The following TBC1D1 variants were observed in gnomAD, a reference collection of about 807,000 sequenced individuals.
TBC1D1 encodes the protein TBC1 domain family member 1, also known as TBC1 (tre-2/USP6, BUB2, cdc16) domain family, member 1.
In TBC1D1, 89 loss-of-function variants were observed where a neutral mutation model predicts 125.6. The ratio of observed to expected loss-of-function variants is 0.71; its 90% CI spans 0.60 to 0.85. The LOEUF (loss-of-function observed/expected upper bound fraction) is 0.85. Ranked by LOEUF, TBC1D1 falls within the 40% of genes least tolerant of loss-of-function variation. The pLI is 0.00. For synonymous variants in TBC1D1, 565 were observed against 564.1 expected, an observed-to-expected ratio of 1.00 and a Z score of -0.02; for missense variants, 1,377 against 1,469.2, an observed-to-expected ratio of 0.94 and a Z score of 1.03.
At chr4:38,005,870 C>T (rs1740049039) in intron 2 of TBC1D1, among the ~76,000 whole-genome samples, 1 of 152,188 alleles carries the variant, frequency 6.6e-6, no homozygotes, top group African/African-American at 2.4e-5. Flanking sequence ...ATGGAGAAGA[C>T]ATGATGCCAT....
At chr4:38,084,509 A>C (rs750937038) in intron 12 of TBC1D1, among the ~76,000 whole-genome samples, 2 of 152,228 alleles carry the variant, frequency 1.3e-5, no homozygotes, top group Non-Finnish European at 2.9e-5. Flanking sequence ...AGCTGCTCAT[A>C]CTTTGTAAAC....
intron 2 of TBC1D1, among the ~76,000 whole-genome samples, chr4:37,932,317 C>T (rs1723430907): frequency 2.0e-5 from 3 of 152,128 alleles, no homozygotes; most frequent in Admixed American, 2.0e-4. Flanking sequence ...CTAATTTATG[C>T]AGAAAACTAA....
At chr4:37,974,475 G>A (rs1387207155) in intron 2 of TBC1D1, among the ~76,000 whole-genome samples, 1 of 152,182 alleles carries the variant, frequency 6.6e-6, no homozygotes, top group Admixed American at 6.5e-5. Flanking sequence ...CTGAGCTCAA[G>A]TGATCCTCCC....
intron 9 of TBC1D1, 126 bp from the exon 10 acceptor site, chr4:38,045,691 C>A: frequency 1.5e-6 from 1 of 662,454 alleles, no homozygotes; most frequent in Non-Finnish European, 2.7e-6. Flanking sequence ...TACAAATATC[C>A]TTAGTAGCAT....
At chr4:37,904,848 G>A (rs1577772207) in intron 2 of TBC1D1, among the ~76,000 whole-genome samples, 1 of 152,236 alleles carries the variant, frequency 6.6e-6, no homozygotes, top group African/African-American at 2.4e-5. Flanking sequence ...GATGCTAACA[G>A]CGTGATAGAT....
chr4:38,056,812 G>A (rs59608961), intron 12 of TBC1D1, among the ~76,000 whole-genome samples: 19,896 of 151,858 alleles, frequency 0.13, 1,719 homozygotes, highest in East Asian at 0.35. Context: ...TGTCTCGCGG[G>A]GTGGGGGAGT....
intron 8 of TBC1D1, among the ~76,000 whole-genome samples, chr4:38,036,863 T>C (rs1351145476): frequency 6.6e-6 from 1 of 152,220 alleles, no homozygotes; most frequent in Non-Finnish European, 1.5e-5. Context: ...CTTCCCAACC[T>C]GTACCCTTAA....
In TBC1D1 at chr4:38,056,322, G is replaced by A. The variant is rs893453888; in HGVS notation, c.2050+1984G>A. On this transcript the variant is annotated intron_variant, in intron 12 of 19. Coordinates refer to ENST00000261439, the MANE Select transcript of TBC1D1 (RefSeq NM_015173.4). Reference sequence around the variant, plus strand: ...CCTCCGAAGAGCCTCTGCCCCTCCTGGAGTCCTGAGTTGAACTTGGTGTTC... The same window carrying A: ...CCTCCGAAGAGCCTCTGCCCCTCCTAGAGTCCTGAGTTGAACTTGGTGTTC... Among the ~76,000 whole-genome samples, 7 of 152,266 alleles carry A rather than the reference G, an allele frequency of 4.6e-5. No individual in the cohort carries two copies. The East Asian group carries it at 1.4e-3, about 29-fold the overall frequency.
At chr4:38,102,483 G>A (rs886929231) in intron 14 of TBC1D1, among the ~76,000 whole-genome samples, 16 of 152,104 alleles carry the variant, frequency 1.1e-4, no homozygotes, top group Admixed American at 3.9e-4. Flanking sequence ...AAGGGAGGAA[G>A]GGGCCAGGGA....
At chr4:38,009,042 G>A (rs1178842636) in intron 2 of TBC1D1, among the ~76,000 whole-genome samples, 3 of 152,256 alleles carry the variant, frequency 2.0e-5, no homozygotes, top group Non-Finnish European at 4.4e-5. Context: ...TAAGTAATAG[G>A]CACTCATATT....
intron 18 of TBC1D1, among the ~76,000 whole-genome samples, chr4:38,126,710 G>A (rs1764705547): frequency 6.6e-6 from 1 of 152,038 alleles, no homozygotes; most frequent in Non-Finnish European, 1.5e-5. Flanking sequence ...AGGTTGGGTG[G>A]GCATCGAAAT....
At chr4:38,127,494 G>A (rs535145003) in intron 18 of TBC1D1, among the ~76,000 whole-genome samples, 19 of 149,762 alleles carry the variant, frequency 1.3e-4, no homozygotes, top group Admixed American at 6.8e-4. Flanking sequence ...AAGCATTCTC[G>A]TGCCTCAGCT....
chr4:37,983,981 C>T (rs1410070666), intron 2 of TBC1D1, among the ~76,000 whole-genome samples: 1 of 152,134 alleles, frequency 6.6e-6, no homozygotes, highest in Admixed American at 6.5e-5. Context: ...ATAGTTCTGC[C>T]TATAGAGAAT....
chr4:38,052,212 TTTG>T (rs1429711104), intron 11 of TBC1D1, among the ~76,000 whole-genome samples, 152 bp downstream of exon 12: 1 of 139,820 alleles, frequency 7.2e-6, no homozygotes, highest in African/African-American at 2.7e-5. Flanking sequence ...CGTGTGTGTC[TTTG>T]TTTATATTTT....
At chr4:38,010,510 T>A (rs1229763495) in intron 2 of TBC1D1, among the ~76,000 whole-genome samples, 2 of 152,228 alleles carry the variant, frequency 1.3e-5, no homozygotes, top group African/African-American at 4.8e-5. Flanking sequence ...CCCAGCTAGA[T>A]GCCTTTACTT....
intron 2 of TBC1D1, among the ~76,000 whole-genome samples, chr4:38,010,955 C>T (rs1391181389): frequency 6.6e-6 from 1 of 152,178 alleles, no homozygotes; most frequent in East Asian, 1.9e-4. Context: ...AAGTAAATGA[C>T]TGAAGTCCTC....
At chr4:38,015,017 G>A in intron 3 of TBC1D1, 44 bp downstream of exon 3, 1 of 1,470,102 alleles carries the variant, frequency 6.8e-7, no homozygotes, top group Non-Finnish European at 9.1e-7. Flanking sequence ...TCTGCCATAC[G>A]CTTTCAAGAG....
chr4:38,103,501 A>T (rs1397480168), intron 15 of TBC1D1, among the ~76,000 whole-genome samples: 1 of 152,236 alleles, frequency 6.6e-6, no homozygotes, highest in African/African-American at 2.4e-5. Context: ...ATAGATGTTC[A>T]GAACCGAGGC....
chr4:38,048,158 T>C (rs1461649699), intron 10 of TBC1D1, among the ~76,000 whole-genome samples: 1 of 152,242 alleles, frequency 6.6e-6, no homozygotes, highest in Non-Finnish European at 1.5e-5. Context: ...GAGAAACTAC[T>C]ATATTCTATT....
Sources: gnomAD v4.1 joint callset for allele counts (sites outside exome capture counted in the v4.1 genomes callset) on GRCh38, gnomAD v4.1.1 for gene constraint, MANE v1.5 for transcripts, NCBI Gene and HGNC (gene_info 2026-07-23, HGNC 2026-07-21) for gene names.